Variants in HTR2B observed in about 807,000 individuals in gnomAD.
HTR2B encodes the protein 5-hydroxytryptamine receptor 2B.
In HTR2B, 31 loss-of-function variants were observed where a neutral mutation model predicts 39.8. The ratio of observed to expected loss-of-function variants is 0.78; its 90% CI spans 0.58 to 1.05. HTR2B has a LOEUF of 1.05. HTR2B is among the 50% of genes least tolerant of loss of function. The pLI, the probability that HTR2B is intolerant of heterozygous loss-of-function variation, is 0.00. For missense variants in HTR2B, 562 were observed against 578.0 expected (o/e 0.97, Z 0.28); for synonymous variants, 210 against 207.1 (o/e 1.01, Z -0.12).
At position 231,123,877 on chromosome 2, in the gene HTR2B, C is replaced by T. The variant is rs1695644976; in HGVS notation, c.-113G>A. 2.4e-6 allele frequency: 2 copies of T among 823,694 alleles called. No homozygotes were observed. Among genetic ancestry groups the T allele is most frequent in the Non-Finnish European group, 4.2e-6 (2 of 477,080 alleles). The allele number at this position is 823,694 out of a possible 1,614,324, so 51.0% of individuals were successfully genotyped here. A position where few individuals can be genotyped will look rare whatever the true frequency, so the allele number is the denominator to read the frequency against. On this transcript the variant is annotated 5_prime_UTR_variant, in exon 2 of 4. Coordinates refer to ENST00000258400, the MANE Select transcript of HTR2B (RefSeq NM_000867.5). ...GTAACCATGCCAAACACTCAAAAGC[C>T]AAAGTTGACACCTTCCTTTAAAAAA...
Position 231,123,518 on chromosome 2 carries a change from T to TTA in HTR2B, c.246_247insTA (p.Lys83Ter), listed in dbSNP as rs1283752870. 1 of 1,613,826 alleles carries TTA rather than the reference T, an allele frequency of 6.2e-7. No homozygotes were observed. Among genetic ancestry groups the TTA allele is most frequent in the Non-Finnish European group, 8.5e-7 (1 of 1,179,852 alleles). ...TAATTAGTAGCATACTGCAGCTTCT[T>TTA]CTCCAGTGAAACAGCCAGAATAACA... is the stretch of plus-strand genomic sequence containing the variant. On this transcript the variant is annotated frameshift_variant, in exon 2 of 4. Transcript: ENST00000258400. LOFTEE classifies it high-confidence loss of function.
At chr2:231,115,157 G>C (rs1210638754) in intron 2 of HTR2B, among the ~76,000 whole-genome samples, 1 of 151,692 alleles carries the variant, frequency 6.6e-6, no homozygotes, top group African/African-American at 2.4e-5. Flanking sequence ...AATTTAAGGA[G>C]CCTGGGGGTG....
intron 2 of HTR2B, among the ~76,000 whole-genome samples, chr2:231,122,820 T>A (rs1695591347): frequency 6.6e-6 from 1 of 152,172 alleles, no homozygotes; most frequent in African/African-American, 2.4e-5. Context: ...ATCATCTCTT[T>A]GGACACTCTG....
At chr2:231,122,077 T>G (rs1200869085) in intron 2 of HTR2B, among the ~76,000 whole-genome samples, 1 of 152,128 alleles carries the variant, frequency 6.6e-6, no homozygotes, top group Non-Finnish European at 1.5e-5. Flanking sequence ...TTAATTATTT[T>G]TCATGGTTTC....
intron 2 of HTR2B, among the ~76,000 whole-genome samples, chr2:231,114,160 T>C (rs1695254685): frequency 6.6e-6 from 1 of 152,242 alleles, no homozygotes; most frequent in Non-Finnish European, 1.5e-5. Context: ...GTGCCTTTTT[T>C]CTAAGTCAGC....
In HTR2B at chr2:231,113,881, A is replaced by G. The variant is rs1240462738; in HGVS notation, c.401T>C (p.Leu134Pro). 1.9e-6 allele frequency: 3 copies of G among 1,614,188 alleles called. No individual in the cohort carries two copies. The highest frequency in any genetic ancestry group is 1.3e-5 in the African/African-American group (1 of 75,078). The change falls in exon 3 of 4, where the codon CTT becomes CCT. Residue 134 changes from leucine to proline, a missense_variant. Transcript: ENST00000258400. The stretch of plus-strand genomic sequence containing the variant: ...GGATGCGGTTGAAAAGAGAACGTCA[A>G]GAAATAACCAGGCAGGACATAGAAC... ...PLVLCPAWLF[L>P]DVLFSTASIM...
In HTR2B at chr2:231,108,776, G is replaced by T; in HGVS notation, c.1187C>A (p.Thr396Asn). ...TGACTTTGTGGCCCGGTAATTGCAG[G>T]TGATATATCGGCCAAATGCATCCCG... ...TFRDAFGRYI[T>N]CNYRATKSVK... is the part of the protein sequence containing the mutation. Residue 396 changes from threonine (T) to asparagine (N), a missense_variant, in exon 4 of 4, where the codon ACC becomes AAC. Thr to Asn is a moderately conservative substitution (Grantham distance 65). Transcript: ENST00000258400. The T allele has an allele frequency of 6.2e-7, 1 of 1,614,102 alleles. No homozygotes were observed. Among genetic ancestry groups the T allele is most frequent in the Non-Finnish European group, 8.5e-7 (1 of 1,180,022 alleles).
chr2:231,118,585 TTTTG>T (rs967988804), intron 2 of HTR2B, among the ~76,000 whole-genome samples: 1 of 152,172 alleles, frequency 6.6e-6, no homozygotes, highest in African/African-American at 2.4e-5. Context: ...TTGGGTATTT[TTTTG>T]TTTGTTTTTG....
chr2:231,123,532 G>A lies in HTR2B; in HGVS notation c.233C>T (p.Ala78Val). Reference protein sequence around the residue: ...TIGGNTLVILAVSLEKKLQYA... With the variant: ...TIGGNTLVILVVSLEKKLQYA... ...CTGCAGCTTCTTCTCCAGTGAAACA[G>A]CCAGAATAACAAGGGTATTTCCACC... Residue 78 changes from alanine to valine, a missense_variant, in exon 2 of 4, where the codon GCT becomes GTT. Ala to Val is a moderately conservative substitution (Grantham distance 64, BLOSUM62 0). Transcript: ENST00000258400. 6.2e-7 allele frequency: 1 copy of A among 1,613,986 alleles called. No individual in the cohort carries two copies. The highest frequency in any genetic ancestry group is 8.5e-7 in the Non-Finnish European group (1 of 1,179,860).
chr2:231,109,058 A>C lies in HTR2B; in HGVS notation c.905T>G (p.Met302Arg), dbSNP rs375739530. ...TTTCCCAATTGTGGATGTTCTTCGC[A>C]TAAGTGTTTCATCACCTGAGTTGGG... ...ALPNSGDETL[M>R]RRTSTIGKKS... The change falls in exon 4 of 4, where the codon ATG becomes AGG. Residue 302 changes from methionine to arginine, a missense_variant. By Grantham distance (91) the Met-to-Arg change is moderately conservative. Transcript: ENST00000258400. 2 of 1,614,106 alleles carry C rather than the reference A, an allele frequency of 1.2e-6. No individual in the cohort carries two copies. The highest frequency in any genetic ancestry group is 3.3e-5 in the Admixed American group (2 of 60,002).
intron 3 of HTR2B, 73 bp downstream of exon 3, chr2:231,113,656 G>A (rs996611741): frequency 7.6e-7 from 1 of 1,322,768 alleles, no homozygotes; most frequent in Non-Finnish European, 1.1e-6. Flanking sequence ...TTGCCTACCA[G>A]ACCTGGTATT....
intron 2 of HTR2B, among the ~76,000 whole-genome samples, chr2:231,122,960 T>A (rs1048647323): frequency 1.3e-5 from 2 of 152,194 alleles, no homozygotes; most frequent in Non-Finnish European, 2.9e-5. Context: ...AGTTCCAATT[T>A]TAAACTGGGG....
intron 3 of HTR2B, 64 bp from the exon 4 acceptor site, chr2:231,109,473 C>A: frequency 7.3e-7 from 1 of 1,362,654 alleles, no homozygotes; most frequent in East Asian, 2.3e-5. Context: ...CGATTAGATC[C>A]TTTTGGATTG....
At chr2:231,118,078 A>G (rs1695404402) in intron 2 of HTR2B, among the ~76,000 whole-genome samples, 1 of 152,090 alleles carries the variant, frequency 6.6e-6, no homozygotes, top group East Asian at 1.9e-4. Context: ...GTAATCTTGA[A>G]CAGATTACTT....
intron 2 of HTR2B, among the ~76,000 whole-genome samples, chr2:231,122,081 T>C (rs1695564794): frequency 6.6e-6 from 1 of 152,146 alleles, no homozygotes; most frequent in Non-Finnish European, 1.5e-5. Flanking sequence ...TTATTTTTCA[T>C]GGTTTCATGC....
In HTR2B at chr2:231,113,796, C is replaced by T; in HGVS notation, c.486G>A (p.Gln162=). 1.2e-6 allele frequency: 2 copies of T among 1,614,106 alleles called. No individual in the cohort carries two copies. Among genetic ancestry groups the T allele is most frequent in the Non-Finnish European group, 1.7e-6 (2 of 1,180,018 alleles). ...DRYIAIKKPI[Q]ANQYNSRATA... Reference sequence around the variant, plus strand: ...TAGCCCGTGAGTTATATTGATTGGCCTGGATTGGCTTTTTGATGGCTATGT... The same window carrying T: ...TAGCCCGTGAGTTATATTGATTGGCTTGGATTGGCTTTTTGATGGCTATGT... The change falls in exon 3 of 4, where the codon CAG becomes CAA. Residue 162 remains glutamine, a synonymous_variant. Coordinates refer to ENST00000258400, the MANE Select transcript of HTR2B (RefSeq NM_000867.5).
intron 2 of HTR2B, among the ~76,000 whole-genome samples, chr2:231,122,951 G>T (rs1312515838): frequency 6.6e-6 from 1 of 152,134 alleles, no homozygotes; most frequent in African/African-American, 2.4e-5. Flanking sequence ...TTTTTGGACA[G>T]TTCCAATTTT....
At chr2:231,121,091 A>G (rs1695524694) in intron 2 of HTR2B, among the ~76,000 whole-genome samples, 1 of 152,250 alleles carries the variant, frequency 6.6e-6, no homozygotes, top group Admixed American at 6.5e-5. Flanking sequence ...AAATTGAATT[A>G]TGCTTTAAAT....
At chr2:231,111,439 C>G (rs894756802) in intron 3 of HTR2B, among the ~76,000 whole-genome samples, 2 of 152,214 alleles carry the variant, frequency 1.3e-5, no homozygotes, top group African/African-American at 4.8e-5. Flanking sequence ...ACTCACACTA[C>G]TTTCCTATCC....
Sources: gnomAD v4.1 joint callset for allele counts (sites outside exome capture counted in the v4.1 genomes callset) on GRCh38, gnomAD v4.1.1 for gene constraint, MANE v1.5 for transcripts, NCBI Gene and HGNC (gene_info 2026-07-23, HGNC 2026-07-21) for gene names.